The following NOS1AP variants were observed in gnomAD, a reference collection of about 807,000 sequenced individuals.
NOS1AP encodes carboxyl-terminal PDZ ligand of neuronal nitric oxide synthase protein.
Under a neutral mutation model 56.2 loss-of-function variants are expected in NOS1AP, and 21 were observed. The ratio of observed to expected loss-of-function variants is 0.37; its 90% CI spans 0.26 to 0.54. NOS1AP has a LOEUF of 0.54. NOS1AP is among the 20% of genes least tolerant of loss of function. The pLI is 0.84. For missense variants in NOS1AP, 522 were observed against 657.8 expected, an observed-to-expected ratio of 0.79 and a Z score of 2.26; for synonymous variants, 270 against 274.6, an observed-to-expected ratio of 0.98 and a Z score of 0.17.
intron 6 of NOS1AP, among the ~76,000 whole-genome samples, chr1:162,352,482 T>C (rs1002876210): frequency 1.3e-5 from 2 of 152,126 alleles, no homozygotes; most frequent in African/African-American, 4.8e-5. Flanking sequence ...CCAGGCCTTT[T>C]TCCTGAACTT....
intron 2 of NOS1AP, among the ~76,000 whole-genome samples, chr1:162,267,410 C>A (rs1266708409): frequency 3.3e-5 from 5 of 150,552 alleles, no homozygotes; most frequent in Admixed American, 3.3e-4. Context: ...CTGGAATAAC[C>A]ACTATGACAA....
At chr1:162,307,235 C>T (rs1351451282) in intron 4 of NOS1AP, among the ~76,000 whole-genome samples, 1 of 152,162 alleles carries the variant, frequency 6.6e-6, no homozygotes, top group African/African-American at 2.4e-5. Context: ...TTGTCCTAGT[C>T]TTATTGGTGG....
chr1:162,257,005 T>G (rs937203435), intron 2 of NOS1AP, among the ~76,000 whole-genome samples: 3 of 152,134 alleles, frequency 2.0e-5, no homozygotes, highest in Non-Finnish European at 2.9e-5. Flanking sequence ...GAAACTGACT[T>G]TTGTTCAGGC....
chr1:162,174,834 T>C (rs1650986422), intron 2 of NOS1AP, among the ~76,000 whole-genome samples: 1 of 152,242 alleles, frequency 6.6e-6, no homozygotes, highest in South Asian at 2.1e-4. Context: ...ATTTAGTTCT[T>C]ATCCTCCTTA....
chr1:162,322,954 C>T (rs1362520633), intron 4 of NOS1AP, among the ~76,000 whole-genome samples: 1 of 152,132 alleles, frequency 6.6e-6, no homozygotes, highest in Non-Finnish European at 1.5e-5. Context: ...GTGAAGATTG[C>T]TAGGGTTCCA....
At position 162,104,674 on chromosome 1, in the gene NOS1AP, T is replaced by C. The variant is rs553567824; in HGVS notation, c.105+34392T>C. On this transcript the variant is annotated intron_variant, in intron 1 of 9. Coordinates refer to ENST00000361897, the MANE Select transcript of NOS1AP (RefSeq NM_014697.3). ...TTCAGAAAGGTAGTCTCTGAGATTC[T>C]TTCTTTCACTTGGTCTATTCTGCTA... is the stretch of plus-strand genomic sequence containing the variant. Among the ~76,000 whole-genome samples the C allele has an allele frequency of 2.0e-5, 3 of 152,328 alleles. No individual in the cohort carries two copies. In the South Asian group the frequency reaches 6.2e-4, roughly 32 times the overall value.
intron 3 of NOS1AP, among the ~76,000 whole-genome samples, chr1:162,298,722 A>T (rs975340106): frequency 1.3e-5 from 2 of 152,260 alleles, no homozygotes; most frequent in African/African-American, 4.8e-5. Context: ...TGGTGCTAAC[A>T]CCAAGATAAC....
chr1:162,256,154 G>GA (rs957338341), intron 2 of NOS1AP, among the ~76,000 whole-genome samples: 318 of 140,458 alleles, frequency 2.3e-3, no homozygotes, highest in African/African-American at 7.4e-3. Context: ...AAGAAGAAAA[G>GA]AAAAAAAAAA....
At chr1:162,326,809 T>C (rs1411796370) in intron 4 of NOS1AP, among the ~76,000 whole-genome samples, 1 of 152,134 alleles carries the variant, frequency 6.6e-6, no homozygotes, top group African/African-American at 2.4e-5. Flanking sequence ...AGGTGTTCAG[T>C]TGGATTATTG....
At chr1:162,336,899 C>A (rs551565659) in intron 5 of NOS1AP, among the ~76,000 whole-genome samples, 1 of 152,332 alleles carries the variant, frequency 6.6e-6, no homozygotes, top group Admixed American at 6.5e-5. Context: ...TAGCACTCTT[C>A]AGACCCATGC....
chr1:162,345,402 C>T (rs954456023), intron 6 of NOS1AP, among the ~76,000 whole-genome samples: 1 of 148,188 alleles, frequency 6.7e-6, no homozygotes, highest in Non-Finnish European at 1.5e-5. Flanking sequence ...TGAGAATATG[C>T]GGTGTTTGGT....
intron 2 of NOS1AP, among the ~76,000 whole-genome samples, chr1:162,285,459 AG>A (rs942622422): frequency 1.3e-5 from 2 of 152,220 alleles, no homozygotes; most frequent in African/African-American, 4.8e-5. Context: ...TGCTGCAGTC[AG>A]GGTGACACAA....
intron 1 of NOS1AP, among the ~76,000 whole-genome samples, chr1:162,134,837 G>A (rs1435942321): frequency 6.6e-6 from 1 of 152,156 alleles, no homozygotes; most frequent in African/African-American, 2.4e-5. Context: ...TTAGGTGGCT[G>A]CACATGACTT....
chr1:162,070,354 C>G, intron 1 of NOS1AP, 72 bp downstream of exon 1: 1 of 1,299,280 alleles, frequency 7.7e-7, no homozygotes, highest in Non-Finnish European at 1.1e-6. Context: ...ATGGGATGCA[C>G]AGCCGTCCTG....
chr1:162,344,044 T>A, intron 6 of NOS1AP, 68 bp downstream of exon 6: 2 of 1,543,544 alleles, frequency 1.3e-6, no homozygotes, highest in Non-Finnish European at 1.8e-6. Context: ...GGTGGATCAC[T>A]GCCCTGACCC....
intron 1 of NOS1AP, among the ~76,000 whole-genome samples, chr1:162,121,271 G>A (rs933065054): frequency 6.6e-5 from 10 of 151,640 alleles, no homozygotes; most frequent in African/African-American, 1.9e-4. Context: ...GGAATTACAG[G>A]TGCATGCCAC....
At chr1:162,077,606 T>A (rs974942005) in intron 1 of NOS1AP, among the ~76,000 whole-genome samples, 5 of 152,130 alleles carry the variant, frequency 3.3e-5, no homozygotes, top group African/African-American at 9.7e-5. Flanking sequence ...AAGTCCAATT[T>A]TTTTTCTTTT....
intron 2 of NOS1AP, among the ~76,000 whole-genome samples, chr1:162,217,834 T>G (rs959866770): frequency 1.3e-5 from 2 of 152,254 alleles, no homozygotes; most frequent in African/African-American, 4.8e-5. Context: ...TGACCGAGAC[T>G]GGAGATGGCC....
At chr1:162,229,732 T>C (rs752636761) in intron 2 of NOS1AP, among the ~76,000 whole-genome samples, 4 of 152,232 alleles carry the variant, frequency 2.6e-5, no homozygotes, top group Non-Finnish European at 5.9e-5. Flanking sequence ...CAGTTCTTAA[T>C]GTGCTCCCTG....
Sources: gnomAD v4.1 joint callset for allele counts (sites outside exome capture counted in the v4.1 genomes callset) on GRCh38, gnomAD v4.1.1 for gene constraint, MANE v1.5 for transcripts, NCBI Gene and HGNC (gene_info 2026-07-23, HGNC 2026-07-21) for gene names.